OTUD7B: variants seen among roughly 807,000 people sequenced by gnomAD.
The protein encoded by OTUD7B is OTU domain-containing protein 7B.
OTUD7B carries 34 observed loss-of-function variants against 82.2 expected under a neutral mutation model. The observed-to-expected ratio is 0.41, with a 90% CI of 0.31 to 0.55. OTUD7B has a LOEUF of 0.55. Ranked by LOEUF, OTUD7B falls within the 20% of genes least tolerant of loss-of-function variation. The probability of loss-of-function intolerance (pLI) is 0.20; values close to 1 mark genes in which losing one functional copy is unlikely to be tolerated. For missense variants in OTUD7B, 944 were observed against 1,062.1 expected (o/e 0.89, Z 1.55); for synonymous variants, 398 against 402.7 (o/e 0.99, Z 0.14).
the OTUD7B span, among the ~76,000 whole-genome samples, chr1:150,061,061 T>TG: frequency 6.6e-6 from 1 of 152,082 alleles, no homozygotes; most frequent in Admixed American, 6.5e-5. Context: ...AAAAATTTTT[T>TG]TTGTTTAATT....
intron 2 of OTUD7B, among the ~76,000 whole-genome samples, chr1:149,972,186 A>G (rs2101841205): frequency 6.6e-6 from 1 of 152,332 alleles, no homozygotes; most frequent in East Asian, 1.9e-4. Context: ...AGATGATAGT[A>G]GCAGTGCCTA....
At chr1:149,964,986 C>T (rs4279885) in intron 5 of OTUD7B, among the ~76,000 whole-genome samples, 6,970 of 150,754 alleles carry the variant, frequency 0.046, 564 homozygotes, top group African/African-American at 0.16. Flanking sequence ...CTCTGGCCCC[C>T]GGATTCAGCA....
chr1:150,053,623 C>T, the OTUD7B span, among the ~76,000 whole-genome samples: 3 of 151,852 alleles, frequency 2.0e-5, no homozygotes, highest in Non-Finnish European at 4.4e-5. Context: ...CTCGAACTCC[C>T]GACCTCAAGT....
At chr1:149,984,242 G>GAA (rs369903042) in intron 1 of OTUD7B, among the ~76,000 whole-genome samples, 2,063 of 151,160 alleles carry the variant, frequency 0.014, 56 homozygotes, top group African/African-American at 0.047. Flanking sequence ...CTACTTCACA[G>GAA]AAAAAAAAAT....
the OTUD7B span, among the ~76,000 whole-genome samples, chr1:150,035,074 G>A: frequency 6.6e-6 from 1 of 151,424 alleles, no homozygotes; most frequent in African/African-American, 2.4e-5. Context: ...AACCCAGGAG[G>A]CAGAGGTTGT....
chr1:150,009,926 G>GTCTC (rs1300324949), intron 1 of OTUD7B, among the ~76,000 whole-genome samples: 1 of 150,970 alleles, frequency 6.6e-6, no homozygotes, highest in Non-Finnish European at 1.5e-5. Flanking sequence ...GTCAACCTCC[G>GTCTC]TCTCTCTCCC....
At chr1:149,957,825 C>T (rs1571619335) in intron 7 of OTUD7B, among the ~76,000 whole-genome samples, 3 of 152,330 alleles carry the variant, frequency 2.0e-5, no homozygotes, top group African/African-American at 7.2e-5. Flanking sequence ...AGGCATGGGA[C>T]CCTCCGAGCC....
the OTUD7B span, among the ~76,000 whole-genome samples, chr1:150,030,428 T>G: frequency 6.6e-6 from 1 of 152,224 alleles, no homozygotes. Flanking sequence ...ACATTCCCCG[T>G]TATTGTTCAT....
intron 1 of OTUD7B, among the ~76,000 whole-genome samples, chr1:149,986,087 G>T (rs184187479): frequency 6.6e-6 from 1 of 152,246 alleles, no homozygotes; most frequent in African/African-American, 2.4e-5. Flanking sequence ...CTGCATGGTA[G>T]TTGTGTTTAT....
intron 1 of OTUD7B, among the ~76,000 whole-genome samples, chr1:149,995,336 T>C (rs1651854704): frequency 6.6e-6 from 1 of 152,046 alleles, no homozygotes; most frequent in East Asian, 1.9e-4. Flanking sequence ...TCCCAGCACT[T>C]TGGAAGGCTG....
chr1:149,999,371 G>A (rs1488138011), intron 1 of OTUD7B, among the ~76,000 whole-genome samples: 2 of 152,046 alleles, frequency 1.3e-5, no homozygotes, highest in African/African-American at 4.8e-5. Flanking sequence ...TCTAAGAAGG[G>A]GTATGGAAAG....
At position 149,945,031 on chromosome 1, in the gene OTUD7B, G is replaced by T; in HGVS notation, c.1358C>A (p.Ser453Ter). The T allele has an allele frequency of 6.2e-7, 1 of 1,614,066 alleles. No individual in the cohort carries two copies. Among genetic ancestry groups the T allele is most frequent in the Middle Eastern group, 1.7e-4 (1 of 6,060 alleles). Residue 453 changes from serine to a stop codon, truncating the protein, a stop_gained, in exon 12 of 12, where the codon TCA becomes TAA. Coordinates refer to ENST00000581312, the MANE Select transcript of OTUD7B (RefSeq NM_020205.4). LOFTEE classifies it high-confidence loss of function. Reference protein sequence around the residue: ...PLAQPESPTASAGDEPRSTPE... With the variant: ...PLAQPESPTA Reference sequence around the variant, plus strand: ...AGTGGACCGGGGCTCATCTCCAGCTGAGGCGGTGGGGGACTCAGGCTGGGC... The same window carrying T: ...AGTGGACCGGGGCTCATCTCCAGCTTAGGCGGTGGGGGACTCAGGCTGGGC...
At position 149,938,483 on chromosome 1, in the gene OTUD7B, A is replaced by AAAAAAAAAAAAAAG. The variant is rs1296913338; in HGVS notation, c.*5373_*5374insCTTTTTTTTTTTTT. ...CGCAAAAAAAAAAAAAAAAAAAAAG[A>AAAAAAAAAAAAAAG]CATAGGAAGAGGTGTGTACCATAAC... is the stretch of plus-strand genomic sequence containing the variant. On this transcript the variant is annotated 3_prime_UTR_variant, in exon 12 of 12. Transcript: ENST00000581312. 3 of 82,914 alleles carry AAAAAAAAAAAAAAG rather than the reference A, an allele frequency of 3.6e-5. 1 individual carries two copies. The highest frequency in any genetic ancestry group is 6.3e-5 in the Non-Finnish European group (3 of 47,568). The allele number at this position is 82,914 out of a possible 1,614,324, so 5.1% of individuals were successfully genotyped here. A position where few individuals can be genotyped will look rare whatever the true frequency, so the allele number is the denominator to read the frequency against.
chr1:149,975,878 G>A (rs150044209), intron 2 of OTUD7B, among the ~76,000 whole-genome samples: 7,090 of 151,972 alleles, frequency 0.047, 212 homozygotes, highest in Non-Finnish European at 0.073. Context: ...CAAATTAGCC[G>A]GGCATGGTGG....
intron 6 of OTUD7B, chr1:149,962,539 G>T (rs79773264): frequency 1.3e-5 from 2 of 152,186 alleles, no homozygotes; most frequent in Admixed American, 6.5e-5. Flanking sequence ...ATGCATGTTG[G>T]GGACTTTCAG....
chr1:149,990,809 T>C (rs1371466198), intron 1 of OTUD7B, among the ~76,000 whole-genome samples: 2 of 152,024 alleles, frequency 1.3e-5, no homozygotes, highest in Non-Finnish European at 2.9e-5. Context: ...CAGCCTAACA[T>C]AGTGAAACCC....
intron 1 of OTUD7B, among the ~76,000 whole-genome samples, chr1:149,992,352 G>A (rs587611821): frequency 3.9e-5 from 6 of 151,984 alleles, no homozygotes; most frequent in African/African-American, 1.2e-4. Flanking sequence ...CAAGAGGGTA[G>A]GACAAGATTA....
chr1:150,032,925 A>G, the OTUD7B span, among the ~76,000 whole-genome samples: 1 of 152,210 alleles, frequency 6.6e-6, no homozygotes. Flanking sequence ...GTCTTCACAC[A>G]TATACTTTAC....
intron 1 of OTUD7B, among the ~76,000 whole-genome samples, chr1:150,009,934 C>A (rs1652920180): frequency 6.6e-6 from 1 of 150,902 alleles, no homozygotes. Context: ...CCGTCTCTCT[C>A]CCTCTCTCAC....
Sources: allele counts gnomAD v4.1 joint callset (sites outside exome capture counted in the v4.1 genomes callset), GRCh38; gene constraint gnomAD v4.1.1; transcripts MANE v1.5; gene names NCBI Gene and HGNC (gene_info 2026-07-23, HGNC 2026-07-21).